The following COG5 variants were observed in gnomAD, a reference collection of about 807,000 sequenced individuals.
COG5 encodes the protein conserved oligomeric Golgi complex subunit 5.
A neutral mutation model predicts 110.4 loss-of-function variants in COG5; 86 were observed. The observed-to-expected ratio is 0.78, with a 90% CI of 0.65 to 0.93. The LOEUF (loss-of-function observed/expected upper bound fraction) is 0.93, where lower values mean the gene tolerates loss of function less well. Among genes scored for constraint, COG5 ranks in the 40% least tolerant of loss-of-function variants. COG5 has a pLI of 0.00. For missense variants in COG5, 1,077 were observed against 987.0 expected (o/e 1.09, Z -1.22); for synonymous variants, 360 against 334.6 (o/e 1.08, Z -0.83).
chr7:107,279,552 G>T (rs1805000443), intron 14 of COG5, among the ~76,000 whole-genome samples: 1 of 151,936 alleles, frequency 6.6e-6, no homozygotes, highest in East Asian at 1.9e-4. Context: ...GAACAAAACA[G>T]GTATAATTTT....
chr7:107,445,537 A>C (rs865877294), intron 6 of COG5, among the ~76,000 whole-genome samples: 13 of 152,240 alleles, frequency 8.5e-5, no homozygotes, highest in Non-Finnish European at 1.5e-4. Context: ...TTTTGGACTT[A>C]TGTAATGAAA....
intron 11 of COG5, among the ~76,000 whole-genome samples, chr7:107,299,893 T>TA (rs1807114297): frequency 6.9e-6 from 1 of 145,388 alleles, no homozygotes; most frequent in African/African-American, 2.5e-5. Context: ...TATATATATA[T>TA]GGAATTACAT....
intron 10 of COG5, among the ~76,000 whole-genome samples, chr7:107,348,176 C>A: frequency 6.8e-6 from 1 of 146,588 alleles, no homozygotes; most frequent in Non-Finnish European, 1.5e-5. Flanking sequence ...CTTTCTACAT[C>A]TATTTTGATA....
chr7:107,221,864 T>C (rs184449928), intron 19 of COG5, among the ~76,000 whole-genome samples: 27 of 152,280 alleles, frequency 1.8e-4, no homozygotes, highest in African/African-American at 6.3e-4. Flanking sequence ...TGTTTCTCTC[T>C]TATCTTTGGC....
At chr7:107,286,774 G>A (rs1805669244) in intron 12 of COG5, among the ~76,000 whole-genome samples, 1 of 152,014 alleles carries the variant, frequency 6.6e-6, no homozygotes, top group Admixed American at 6.6e-5. Context: ...TTCAATGAAA[G>A]AGGTAACCTC....
intron 10 of COG5, among the ~76,000 whole-genome samples, chr7:107,335,938 T>C (rs1049425612): frequency 8.5e-5 from 13 of 152,134 alleles, no homozygotes; most frequent in South Asian, 8.3e-4. Flanking sequence ...TAAATATGTA[T>C]GCACCCAATA....
intron 6 of COG5, among the ~76,000 whole-genome samples, chr7:107,509,508 G>A (rs1304736516): frequency 6.6e-6 from 1 of 152,174 alleles, no homozygotes; most frequent in Non-Finnish European, 1.5e-5. Flanking sequence ...CCCCAATCTA[G>A]CAAGGCAGGC....
intron 7 of COG5, among the ~76,000 whole-genome samples, chr7:107,410,525 C>T (rs1400980603): frequency 2.0e-5 from 3 of 152,114 alleles, no homozygotes; most frequent in African/African-American, 2.4e-5. Context: ...TCACCGCAAC[C>T]TCCGGCTCCT....
chr7:107,479,857 A>T (rs559458620), intron 6 of COG5, among the ~76,000 whole-genome samples: 2 of 152,304 alleles, frequency 1.3e-5, no homozygotes, highest in Non-Finnish European at 2.9e-5. Context: ...TTTTTCCATT[A>T]AACACATATT....
At chr7:107,347,867 C>G (rs773690603) in intron 10 of COG5, among the ~76,000 whole-genome samples, 2 of 152,106 alleles carry the variant, frequency 1.3e-5, no homozygotes, top group Non-Finnish European at 2.9e-5. Flanking sequence ...TGGCTCATGC[C>G]TGCAATCCCA....
chr7:107,340,746 T>C (rs1417780486), intron 10 of COG5, among the ~76,000 whole-genome samples: 1 of 152,174 alleles, frequency 6.6e-6, no homozygotes, highest in Admixed American at 6.5e-5. Context: ...TCAATAAATG[T>C]GATTAAACAT....
chr7:107,210,354 T>G (rs1446140402), intron 21 of COG5, 172 bp downstream of exon 21: 1 of 1,436,930 alleles, frequency 7.0e-7, no homozygotes, highest in East Asian at 2.5e-5. Context: ...GTGGCCAACA[T>G]TTCCAACTGC....
At chr7:107,503,413 T>G (rs1798761686) in intron 6 of COG5, among the ~76,000 whole-genome samples, 1 of 152,190 alleles carries the variant, frequency 6.6e-6, no homozygotes. Context: ...AGCCTTGTAG[T>G]ATAACTAAGA....
intron 8 of COG5, among the ~76,000 whole-genome samples, chr7:107,368,080 A>G (rs375207218): frequency 4.6e-5 from 7 of 152,192 alleles, no homozygotes; most frequent in Admixed American, 1.3e-4. Flanking sequence ...AGGGAAAAGT[A>G]TAAGTATGCC....
chr7:107,532,750 T>TAA, intron 5 of COG5, among the ~76,000 whole-genome samples: 1 of 152,316 alleles, frequency 6.6e-6, no homozygotes, highest in South Asian at 2.1e-4. Context: ...AATTATTCAT[T>TAA]TGCTCTGCTG....
At chr7:107,342,198 A>G (rs1218219144) in intron 10 of COG5, among the ~76,000 whole-genome samples, 1 of 152,304 alleles carries the variant, frequency 6.6e-6, no homozygotes, top group East Asian at 1.9e-4. Context: ...ATCTCATTAA[A>G]AAGTGGACAA....
At chr7:107,539,506 T>G (rs949093298) in intron 5 of COG5, among the ~76,000 whole-genome samples, 3 of 152,172 alleles carry the variant, frequency 2.0e-5, no homozygotes, top group Non-Finnish European at 4.4e-5. Flanking sequence ...AAAGGAAGAC[T>G]GCAGATTAGT....
intron 6 of COG5, among the ~76,000 whole-genome samples, chr7:107,513,736 A>T (rs1036745676): frequency 5.3e-5 from 8 of 152,332 alleles, no homozygotes; most frequent in African/African-American, 1.7e-4. Context: ...TGAAGAGTTC[A>T]TGTCCTTTGT....
intron 5 of COG5, among the ~76,000 whole-genome samples, chr7:107,538,024 G>A (rs1801715843): frequency 6.6e-6 from 1 of 152,146 alleles, no homozygotes; most frequent in Non-Finnish European, 1.5e-5. Context: ...AGAGCAGCCT[G>A]AAAAATCGAG....
Sources: gnomAD v4.1 joint callset for allele counts (sites outside exome capture counted in the v4.1 genomes callset) on GRCh38, gnomAD v4.1.1 for gene constraint, MANE v1.5 for transcripts, NCBI Gene and HGNC (gene_info 2026-07-23, HGNC 2026-07-21) for gene names.